SULT2B1: variants seen among roughly 807,000 people sequenced by gnomAD.
The protein encoded by SULT2B1 is sulfotransferase 2B1.
Under a neutral mutation model 33.2 loss-of-function variants are expected in SULT2B1, and 16 were observed. That is an observed-to-expected ratio of 0.48 (90% confidence interval 0.33 to 0.73). SULT2B1 has a LOEUF of 0.73. Ranked by LOEUF, SULT2B1 falls within the 30% of genes least tolerant of loss-of-function variation. The pLI is 0.02. For missense variants in SULT2B1, 500 were observed against 506.0 expected, an observed-to-expected ratio of 0.99 and a Z score of 0.11; for synonymous variants, 186 against 200.5, an observed-to-expected ratio of 0.93 and a Z score of 0.61.
intron 5 of SULT2B1, among the ~76,000 whole-genome samples, chr19:48,594,848 G>A (rs937594343): frequency 6.6e-6 from 1 of 152,204 alleles, no homozygotes; most frequent in South Asian, 2.1e-4. Context: ...GTGAAATCCT[G>A]TCTCTATTAA....
chr19:48,584,732 C>T (rs1405046960), intron 2 of SULT2B1, among the ~76,000 whole-genome samples: 1 of 151,966 alleles, frequency 6.6e-6, no homozygotes, highest in Non-Finnish European at 1.5e-5. Context: ...CAGTGAGACC[C>T]CATCTCTACA....
At chr19:48,565,221 C>A (rs977984449) in intron 1 of SULT2B1, among the ~76,000 whole-genome samples, 2 of 151,948 alleles carry the variant, frequency 1.3e-5, no homozygotes, top group Non-Finnish European at 2.9e-5. Flanking sequence ...TCACGGTGCC[C>A]GGCCTAATCC....
intron 1 of SULT2B1, among the ~76,000 whole-genome samples, chr19:48,563,493 T>C (rs909704930): frequency 1.3e-5 from 2 of 152,140 alleles, no homozygotes; most frequent in African/African-American, 2.4e-5. Context: ...CTCTAATGTA[T>C]ACACAGACAC....
At chr19:48,593,125 C>T (rs1226987162) in intron 5 of SULT2B1, among the ~76,000 whole-genome samples, 3 of 152,158 alleles carry the variant, frequency 2.0e-5, no homozygotes, top group African/African-American at 7.2e-5. Flanking sequence ...GGTAGTGGCT[C>T]ACACCTGTAA....
At chr19:48,590,786 C>T (rs533179640) in intron 3 of SULT2B1, among the ~76,000 whole-genome samples, 1 of 152,140 alleles carries the variant, frequency 6.6e-6, no homozygotes, top group Non-Finnish European at 1.5e-5. Flanking sequence ...TTCTCTAAGT[C>T]TGTTTTCATT....
intron 1 of SULT2B1, among the ~76,000 whole-genome samples, chr19:48,569,273 C>T (rs1261449013): frequency 2.0e-5 from 3 of 148,382 alleles, no homozygotes; most frequent in East Asian, 2.2e-4. Flanking sequence ...ATCCAGGAGG[C>T]GGAGCTTGCA....
intron 1 of SULT2B1, among the ~76,000 whole-genome samples, chr19:48,560,212 G>T (rs375481115): frequency 1.3e-5 from 2 of 152,054 alleles, no homozygotes; most frequent in Non-Finnish European, 2.9e-5. Context: ...CCAGAAACTC[G>T]AATGCTAGCA....
intron 1 of SULT2B1, among the ~76,000 whole-genome samples, chr19:48,566,014 G>A (rs769933416): frequency 4.6e-5 from 7 of 151,712 alleles, no homozygotes; most frequent in Admixed American, 2.0e-4. Context: ...CTGGGTTCAA[G>A]TGATTCTCCC....
chr19:48,561,869 C>G (rs1280404188), intron 1 of SULT2B1, among the ~76,000 whole-genome samples: 2 of 152,074 alleles, frequency 1.3e-5, no homozygotes, highest in African/African-American at 4.8e-5. Flanking sequence ...AATCACAGCA[C>G]TTTGGGAGGC....
At chr19:48,593,284 G>A (rs1973667848) in intron 5 of SULT2B1, among the ~76,000 whole-genome samples, 1 of 152,024 alleles carries the variant, frequency 6.6e-6, no homozygotes, top group Non-Finnish European at 1.5e-5. Context: ...AGGTGTGGTG[G>A]TTCACACCTG....
intron 6 of SULT2B1, among the ~76,000 whole-genome samples, chr19:48,597,425 C>T (rs192626354): frequency 8.6e-5 from 13 of 150,396 alleles, no homozygotes; most frequent in African/African-American, 2.9e-4. Context: ...CTCACTGCGA[C>T]CTCCACCTCC....
At chr19:48,566,084 G>T (rs576924299) in intron 1 of SULT2B1, among the ~76,000 whole-genome samples, 49 of 152,076 alleles carry the variant, frequency 3.2e-4, no homozygotes, top group Admixed American at 9.8e-4. Flanking sequence ...AGCTATTTTC[G>T]TATTTTTAGT....
In SULT2B1 at chr19:48,599,158, C is replaced by T. The variant is rs1340549476; in HGVS notation, c.850C>T (p.His284Tyr). The T allele has an allele frequency of 3.8e-6, 6 of 1,591,714 alleles. No homozygotes were observed. Among genetic ancestry groups the T allele is most frequent in the Admixed American group, 1.7e-5 (1 of 57,830 alleles). Residue 284 changes from histidine (H) to tyrosine (Y), a missense_variant, in exon 7 of 7, where the codon CAC becomes TAC. By Grantham distance (83) the His-to-Tyr change is moderately conservative (BLOSUM62 2). Coordinates refer to ENST00000201586, the MANE Select transcript of SULT2B1 (RefSeq NM_177973.2). The surrounding 1 kb of genome is among the most constrained non-coding windows in gnomAD (Gnocchi z 4.1). ...AGGGGTCTGCGGCGACTGGAAGAACCACTTCACGGTGGCCCAGAGCGAAGC... is the reference window on the plus strand; with the variant it reads ...AGGGGTCTGCGGCGACTGGAAGAACTACTTCACGGTGGCCCAGAGCGAAGC... Reference protein sequence around the residue: ...RKGVCGDWKNHFTVAQSEAFD... With the variant: ...RKGVCGDWKNYFTVAQSEAFD...
At chr19:48,555,749 T>G (rs527933054) in intron 1 of SULT2B1, among the ~76,000 whole-genome samples, 23 of 151,930 alleles carry the variant, frequency 1.5e-4, no homozygotes, top group Middle Eastern at 3.4e-3. Context: ...TAATTTTTGT[T>G]TTTTTTTGGA....
chr19:48,569,348 A>G lies in SULT2B1; in HGVS notation c.72-6593A>G, dbSNP rs1284971504. 1.5e-4 allele frequency among the ~76,000 whole-genome samples: 4 copies of G among 26,428 alleles called. No individual in the cohort carries two copies. The East Asian group carries it at 2.1e-3, about 14-fold the overall frequency. 17.3% of individuals were successfully genotyped at this position (26,428 alleles called of 152,430 possible). ...CAGAGAGAGACTCCGTCTCAAAAAA[A>G]AAAAAAAAAAAAAACATATATATAT... On this transcript the variant is annotated intron_variant, in intron 1 of 6. Transcript: ENST00000201586.
Position 48,576,354 on chromosome 19 carries a change from CTTCTCTT to C in SULT2B1, c.214+274_214+280del, listed in dbSNP as rs1400862871. On this transcript the variant is annotated intron_variant, in intron 2 of 6. Coordinates refer to ENST00000201586, the MANE Select transcript of SULT2B1 (RefSeq NM_177973.2). ...TCCTCCCTTTCCCCTTTACCCTCTACTTCTCTTTTTTTTTTTTTTTTTTGTAGAGATG... is the reference window on the plus strand; with the variant it reads ...TCCTCCCTTTCCCCTTTACCCTCTACTTTTTTTTTTTTTTTTGTAGAGATG... Among the ~76,000 whole-genome samples the C allele has an allele frequency of 3.8e-5, 3 of 79,920 alleles. 1 individual carries two copies. Among genetic ancestry groups the C allele is most frequent in the South Asian group, 8.5e-4 (2 of 2,354 alleles). 52.4% of individuals were successfully genotyped at this position (79,920 alleles called of 152,430 possible).
chr19:48,594,791 G>T (rs1020010951), intron 5 of SULT2B1, among the ~76,000 whole-genome samples: 2 of 151,824 alleles, frequency 1.3e-5, no homozygotes, highest in Non-Finnish European at 2.9e-5. Context: ...GGCCGAGGCA[G>T]GCAGATCACT....
In SULT2B1 at chr19:48,569,361, A is replaced by T. The variant is rs1227969251; in HGVS notation, c.72-6580A>T. Among the ~76,000 whole-genome samples the T allele has an allele frequency of 8.4e-3, 83 of 9,922 alleles. 2 individuals are homozygous for T. Among genetic ancestry groups the T allele is most frequent in the African/African-American group, 0.035 (70 of 2,026 alleles). 6.5% of individuals were successfully genotyped at this position (9,922 alleles called of 152,430 possible). On this transcript the variant is annotated intron_variant, in intron 1 of 6. Coordinates refer to ENST00000201586, the MANE Select transcript of SULT2B1 (RefSeq NM_177973.2). Reference sequence around the variant, plus strand: ...CGTCTCAAAAAAAAAAAAAAAAAAAAACATATATATATATATATATATATA... The same window carrying T: ...CGTCTCAAAAAAAAAAAAAAAAAAATACATATATATATATATATATATATA...
intron 1 of SULT2B1, among the ~76,000 whole-genome samples, chr19:48,558,334 CG>C (rs1973128350): frequency 1.4e-5 from 2 of 141,424 alleles, no homozygotes; most frequent in Non-Finnish European, 3.2e-5. Context: ...AGACAGGAGG[CG>C]TTAGCAGGCG....
Sources: allele counts gnomAD v4.1 joint callset (sites outside exome capture counted in the v4.1 genomes callset), GRCh38; gene constraint gnomAD v4.1.1; non-coding constraint Gnocchi (gnomAD v3.1); transcripts MANE v1.5; gene names NCBI Gene and HGNC (gene_info 2026-07-23, HGNC 2026-07-21).